Variants in PAPOLG observed in about 807,000 individuals in gnomAD.
PAPOLG encodes PAP-gamma.
PAPOLG carries 40 observed loss-of-function variants against 99.0 expected under a neutral mutation model. That is an observed-to-expected ratio of 0.40 (90% CI 0.31 to 0.53). PAPOLG has a LOEUF of 0.53. PAPOLG is among the 20% of genes least tolerant of loss of function. PAPOLG has a pLI of 0.41. For synonymous variants in PAPOLG, 310 were observed against 299.3 expected, an observed-to-expected ratio of 1.04 and a Z score of -0.37; for missense variants, 675 against 884.1, an observed-to-expected ratio of 0.76 and a Z score of 3.00.
At chr2:60,758,726 G>C (rs1019273935) in intron 1 of PAPOLG, among the ~76,000 whole-genome samples, 4 of 152,072 alleles carry the variant, frequency 2.6e-5, no homozygotes, top group Non-Finnish European at 1.5e-5. Context: ...ACCACGCCCG[G>C]CCTCTAATGA....
chr2:60,776,856 GCT>G (rs1671036170), intron 8 of PAPOLG, among the ~76,000 whole-genome samples: 1 of 152,144 alleles, frequency 6.6e-6, no homozygotes, highest in Non-Finnish European at 1.5e-5. Context: ...CCAGTATAAG[GCT>G]GTTTCATCTA....
rs1461186272 is a variant in PAPOLG at position 60,770,518 on chromosome 2, G to T, written c.492+7G>T. On this transcript the variant is annotated splice_region_variant and intron_variant, in intron 6 of 21. Coordinates refer to ENST00000238714, the MANE Select transcript of PAPOLG (RefSeq NM_022894.4). Reference sequence around the variant, plus strand: ...TGAATTTGATGGTATTGAAGTAAGTGTTTAATATTTTTCTGACTTTACAAT... The same window carrying T: ...TGAATTTGATGGTATTGAAGTAAGTTTTTAATATTTTTCTGACTTTACAAT... 8 of 1,535,860 alleles carry T rather than the reference G, an allele frequency of 5.2e-6. No individual in the cohort carries two copies. The highest frequency in any genetic ancestry group is 6.2e-6 in the Non-Finnish European group (7 of 1,122,186).
intron 8 of PAPOLG, among the ~76,000 whole-genome samples, chr2:60,777,697 C>G (rs989549798): frequency 3.3e-5 from 5 of 152,110 alleles, no homozygotes; most frequent in Admixed American, 6.6e-5. Flanking sequence ...ACGACTCTTT[C>G]TTTTACTTGA....
At chr2:60,777,278 A>G (rs779331398) in intron 8 of PAPOLG, among the ~76,000 whole-genome samples, 9 of 152,160 alleles carry the variant, frequency 5.9e-5, no homozygotes, top group Non-Finnish European at 1.2e-4. Context: ...CAACATAGTG[A>G]AACCCCCTCT....
chr2:60,762,360 C>G (rs1380004664), intron 3 of PAPOLG, among the ~76,000 whole-genome samples: 1 of 151,980 alleles, frequency 6.6e-6, no homozygotes, highest in Non-Finnish European at 1.5e-5. Flanking sequence ...CTATTTTTTT[C>G]CTGAAATTGA....
intron 8 of PAPOLG, among the ~76,000 whole-genome samples, chr2:60,775,694 A>G (rs1185945244): frequency 6.6e-6 from 1 of 152,222 alleles, no homozygotes; most frequent in Non-Finnish European, 1.5e-5. Flanking sequence ...CAACTGCAGT[A>G]AAGCAAATTA....
rs746541244 is a variant in PAPOLG, at chr2:60,779,617, C to G, written c.695-20C>G. ...GATAGTAGGTCCTAATAATAATTAA[C>G]AAATATATTGATTTTCTAGGACGTG... On this transcript the variant is annotated intron_variant, in intron 8 of 21. Coordinates refer to ENST00000238714, the MANE Select transcript of PAPOLG (RefSeq NM_022894.4). 6.3e-7 allele frequency: 1 copy of G among 1,595,384 alleles called. No homozygotes were observed. Among genetic ancestry groups the G allele is most frequent in the Non-Finnish European group, 8.6e-7 (1 of 1,168,578 alleles).
At chr2:60,772,420 T>G (rs2103781174) in intron 7 of PAPOLG, among the ~76,000 whole-genome samples, 1 of 150,216 alleles carries the variant, frequency 6.7e-6, no homozygotes, top group East Asian at 2.0e-4. Flanking sequence ...GCACTCTAGC[T>G]TAGGTGACAG....
chr2:60,797,371 A>T lies in PAPOLG; in HGVS notation c.*211A>T. On this transcript the variant is annotated 3_prime_UTR_variant, in exon 22 of 22. Coordinates refer to ENST00000238714, the MANE Select transcript of PAPOLG (RefSeq NM_022894.4). ...ACTGATTGCTACATACACTTCTCTG[A>T]GGATCACCTGCTGTCAAATTGCCAT... 1.7e-6 allele frequency: 1 copy of T among 575,616 alleles called. No individual in the cohort carries two copies. Among genetic ancestry groups the T allele is most frequent in the East Asian group, 2.9e-5 (1 of 34,240 alleles). The allele number at this position is 575,616 out of a possible 1,614,324, so 35.7% of individuals were successfully genotyped here.
chr2:60,777,270 A>G (rs1349767700), intron 8 of PAPOLG, among the ~76,000 whole-genome samples: 1 of 152,130 alleles, frequency 6.6e-6, no homozygotes, highest in African/African-American at 2.4e-5. Context: ...AGCCTGACCA[A>G]CATAGTGAAA....
At chr2:60,765,300 ACT>A in intron 3 of PAPOLG, among the ~76,000 whole-genome samples, 1 of 145,092 alleles carries the variant, frequency 6.9e-6, no homozygotes, top group Admixed American at 6.9e-5. Flanking sequence ...CTGTCCTCAA[ACT>A]CTTGTACTCA....
chr2:60,794,210 T>G lies in PAPOLG; in HGVS notation c.1989+19T>G. On this transcript the variant is annotated intron_variant, in intron 19 of 21. Transcript: ENST00000238714. The stretch of plus-strand genomic sequence containing the variant: ...AGAAAAGGTAAAGTTACAACTTTAG[T>G]GGTAATTCAGTAGTTGATATTTTTT... The G allele has an allele frequency of 4.4e-6, 7 of 1,602,738 alleles. No individual in the cohort carries two copies. The highest frequency in any genetic ancestry group is 6.0e-6 in the Non-Finnish European group (7 of 1,172,308).
intron 9 of PAPOLG, 44 bp downstream of exon 9, chr2:60,779,819 C>A (rs774147032): frequency 6.6e-7 from 1 of 1,516,450 alleles, no homozygotes; most frequent in Non-Finnish European, 9.1e-7. Flanking sequence ...TAATCTCTAC[C>A]TATGCGTAAG....
chr2:60,767,492 G>A (rs1168271292), intron 3 of PAPOLG, among the ~76,000 whole-genome samples: 1 of 151,716 alleles, frequency 6.6e-6, no homozygotes, highest in African/African-American at 2.4e-5. Context: ...TTGTAGAGAT[G>A]GTGTCTCATT....
Position 60,771,588 on chromosome 2 carries a change from C to T in PAPOLG, c.562C>T (p.Arg188Cys), listed in dbSNP as rs1670852889. Reference sequence around the variant, plus strand: ...TAATTTAGATCTAAGAGACGACTCTCGCCTGAGAAGCCTTGATATAAGGTG... The same window carrying T: ...TAATTTAGATCTAAGAGACGACTCTTGCCTGAGAAGCCTTGATATAAGGTG... ...SDNLDLRDDS[R>C]LRSLDIRCIR... The change falls in exon 7 of 22, where the codon CGC becomes TGC. Residue 188 changes from arginine to cysteine, a missense_variant. Physicochemically the swap from Arg to Cys is radical, Grantham distance 180 (BLOSUM62 -3). Around this residue, in one of 3 missense-constraint regions of PAPOLG, gnomAD observed 113 missense variants for 231.5 expected, o/e 0.49. Coordinates refer to ENST00000238714, the MANE Select transcript of PAPOLG (RefSeq NM_022894.4). 4 of 1,608,376 alleles carry T rather than the reference C, an allele frequency of 2.5e-6. No individual in the cohort carries two copies. Among genetic ancestry groups the T allele is most frequent in the Non-Finnish European group, 3.4e-6 (4 of 1,178,522 alleles).
intron 11 of PAPOLG, 138 bp from the exon 12 acceptor site, chr2:60,782,548 C>T: frequency 7.7e-7 from 1 of 1,298,532 alleles, no homozygotes; most frequent in Non-Finnish European, 9.8e-7. Context: ...CAGAGTGAGA[C>T]TCTGTCTCAA....
intron 19 of PAPOLG, 153 bp from the exon 20 acceptor site, chr2:60,794,557 A>C: frequency 1.5e-6 from 1 of 671,046 alleles, no homozygotes; most frequent in Non-Finnish European, 2.5e-6. Context: ...TGGCAGTTGA[A>C]TTCAATCTAA....
intron 1 of PAPOLG, among the ~76,000 whole-genome samples, chr2:60,758,709 A>AT (rs1215729081): frequency 1.3e-5 from 2 of 152,098 alleles, no homozygotes; most frequent in East Asian, 3.8e-4. Context: ...GATTACAGGC[A>AT]TGAGGCACCA....
At position 60,787,045 on chromosome 2, in the gene PAPOLG, G is replaced by A. The variant is rs757631560; in HGVS notation, c.1265G>A (p.Gly422Glu). The change falls in exon 14 of 22, where the codon GGG becomes GAG. Residue 422 changes from glycine (G) to glutamate (E), a missense_variant. By Grantham distance (98) the Gly-to-Glu change is moderately conservative. Coordinates refer to ENST00000238714, the MANE Select transcript of PAPOLG (RefSeq NM_022894.4). ...CATGTGAATCCCCAGTCATTCCCAG[G>A]GAATAAGGAACATCATAAAGAGTAA... ...LAHVNPQSFPGNKEHHKDNNY... is the reference protein window; with the variant it reads ...LAHVNPQSFPENKEHHKDNNY... The A allele has an allele frequency of 3.1e-6, 5 of 1,607,576 alleles. No homozygotes were observed. Among genetic ancestry groups the A allele is most frequent in the Admixed American group, 1.7e-5 (1 of 58,930 alleles).
Sources: gnomAD v4.1 joint callset for allele counts (sites outside exome capture counted in the v4.1 genomes callset) on GRCh38, gnomAD v4.1.1 for gene constraint, gnomAD v4.1.1 regional missense constraint, MANE v1.5 for transcripts, NCBI Gene and HGNC (gene_info 2026-07-23, HGNC 2026-07-21) for gene names.